The following ATF6 variants were observed in gnomAD, a reference collection of about 807,000 sequenced individuals.
ATF6 encodes activating transcription factor 6, also known as cyclic AMP-dependent transcription factor ATF-6 alpha.
ATF6 carries 53 observed loss-of-function variants against 83.6 expected under a neutral mutation model. That is an observed-to-expected ratio of 0.63 (90% confidence interval 0.51 to 0.80). ATF6 has a LOEUF of 0.80. ATF6 is among the 30% of genes least tolerant of loss of function. The probability of loss-of-function intolerance (pLI) is 0.00; values close to 1 mark genes in which losing one functional copy is unlikely to be tolerated. For synonymous variants in ATF6, 288 were observed against 285.8 expected (o/e 1.01, Z -0.08); for missense variants, 744 against 797.9 (o/e 0.93, Z 0.81).
intron 15 of ATF6, among the ~76,000 whole-genome samples, chr1:161,938,748 A>C (rs1337319899): frequency 6.6e-6 from 1 of 152,240 alleles, no homozygotes; most frequent in Non-Finnish European, 1.5e-5. Flanking sequence ...CCATTCCTTT[A>C]AGAAGGTGAG....
At chr1:161,854,584 A>T (rs1013158869) in intron 12 of ATF6, among the ~76,000 whole-genome samples, 1 of 152,198 alleles carries the variant, frequency 6.6e-6, no homozygotes, top group African/African-American at 2.4e-5. Context: ...GTAAAGATTT[A>T]GGGGAGGCTG....
intron 9 of ATF6, among the ~76,000 whole-genome samples, chr1:161,835,322 T>C (rs1400073438): frequency 6.6e-6 from 1 of 152,160 alleles, no homozygotes; most frequent in African/African-American, 2.4e-5. Flanking sequence ...TCCTTAAGTG[T>C]TGGGATTGCA....
At chr1:161,805,085 C>A (rs753904072) in intron 7 of ATF6, among the ~76,000 whole-genome samples, 2 of 152,042 alleles carry the variant, frequency 1.3e-5, no homozygotes, top group African/African-American at 4.8e-5. Flanking sequence ...AGTTCTTCAA[C>A]GTTAATTGAG....
At chr1:161,824,327 G>A (rs551399686) in intron 9 of ATF6, among the ~76,000 whole-genome samples, 8 of 149,438 alleles carry the variant, frequency 5.4e-5, no homozygotes, top group Non-Finnish European at 1.0e-4. Flanking sequence ...GTACCCCTGA[G>A]CTTCAAATAA....
chr1:161,907,022 A>G (rs536284113), intron 14 of ATF6, among the ~76,000 whole-genome samples: 2 of 152,264 alleles, frequency 1.3e-5, no homozygotes, highest in East Asian at 3.9e-4. Context: ...AGGATATGTC[A>G]TGATGTATGT....
chr1:161,831,347 G>C (rs1195588695), intron 9 of ATF6, among the ~76,000 whole-genome samples: 1 of 152,160 alleles, frequency 6.6e-6, no homozygotes, highest in Non-Finnish European at 1.5e-5. Flanking sequence ...ACTGTTGGTG[G>C]GACTGTAAAT....
chr1:161,850,226 G>T (rs997061304), intron 10 of ATF6, among the ~76,000 whole-genome samples: 1 of 152,002 alleles, frequency 6.6e-6, no homozygotes, highest in Admixed American at 6.6e-5. Context: ...TCCTTATTAT[G>T]ACCTGGTCTT....
chr1:161,812,984 T>C (rs1571153639), intron 7 of ATF6, among the ~76,000 whole-genome samples: 1 of 152,156 alleles, frequency 6.6e-6, no homozygotes, highest in East Asian at 1.9e-4. Context: ...TCCAGTGGTG[T>C]CATCATTACT....
At chr1:161,900,917 G>A (rs1017764928) in intron 14 of ATF6, among the ~76,000 whole-genome samples, 2 of 152,064 alleles carry the variant, frequency 1.3e-5, no homozygotes, top group African/African-American at 2.4e-5. Flanking sequence ...GATAGTACAT[G>A]TATATGAGAA....
At chr1:161,882,387 C>G (rs1323434474) in intron 14 of ATF6, among the ~76,000 whole-genome samples, 1 of 151,982 alleles carries the variant, frequency 6.6e-6, no homozygotes, top group East Asian at 1.9e-4. Context: ...GAAAAGTGAA[C>G]AAAGAACTAA....
In ATF6 at chr1:161,792,173, A is replaced by G. The variant is rs745465967; in HGVS notation, c.534A>G (p.Ser178=). The G allele has an allele frequency of 6.2e-7, 1 of 1,614,120 alleles. No individual in the cohort carries two copies. Among genetic ancestry groups the G allele is most frequent in the South Asian group, 1.1e-5 (1 of 91,084 alleles). ...KKKIQVNSKP[S]IQPKPLLLPA... The stretch of plus-strand genomic sequence containing the variant: ...AAATTCAGGTGAATTCAAAACCTTC[A>G]ATTCAGCCCAAGCCTTTATTGCTTC... Residue 178 remains serine, a synonymous_variant, in exon 6 of 16, where the codon TCA becomes TCG. Transcript: ENST00000367942.
At chr1:161,831,334 T>C (rs1333397476) in intron 9 of ATF6, among the ~76,000 whole-genome samples, 1 of 152,224 alleles carries the variant, frequency 6.6e-6, no homozygotes, top group Non-Finnish European at 1.5e-5. Context: ...GGAACACTTT[T>C]ACACTGTTGG....
intron 14 of ATF6, among the ~76,000 whole-genome samples, chr1:161,876,241 T>C (rs529851142): frequency 2.2e-4 from 33 of 152,114 alleles, no homozygotes; most frequent in African/African-American, 7.5e-4. Flanking sequence ...GATTCTTCCA[T>C]TTGTAAAACA....
chr1:161,867,441 A>G (rs1374607362), intron 14 of ATF6, among the ~76,000 whole-genome samples: 2 of 152,194 alleles, frequency 1.3e-5, no homozygotes, highest in South Asian at 2.1e-4. Flanking sequence ...TGATTTTAAA[A>G]GGGCAGAAAA....
intron 6 of ATF6, among the ~76,000 whole-genome samples, chr1:161,800,727 A>G (rs1285976494): frequency 6.6e-6 from 1 of 152,168 alleles, no homozygotes; most frequent in African/African-American, 2.4e-5. Context: ...TTATGTCTTC[A>G]GGTGAGAAGA....
chr1:161,850,583 C>T (rs1449820173), intron 10 of ATF6, among the ~76,000 whole-genome samples: 1 of 152,036 alleles, frequency 6.6e-6, no homozygotes. Context: ...GTCCATCTTC[C>T]CCATTAAGGT....
At chr1:161,929,052 A>G (rs1410615198) in intron 15 of ATF6, among the ~76,000 whole-genome samples, 2 of 152,222 alleles carry the variant, frequency 1.3e-5, no homozygotes, top group Non-Finnish European at 2.9e-5. Context: ...TAAGAACCTG[A>G]TGGGTGCTAG....
intron 7 of ATF6, among the ~76,000 whole-genome samples, chr1:161,817,914 G>A (rs940140930): frequency 1.4e-4 from 22 of 151,874 alleles, no homozygotes; most frequent in African/African-American, 5.3e-4. Flanking sequence ...TGGCTAACAC[G>A]GTGAAACCCT....
At chr1:161,932,339 C>T (rs1027639773) in intron 15 of ATF6, among the ~76,000 whole-genome samples, 2 of 152,052 alleles carry the variant, frequency 1.3e-5, no homozygotes, top group Admixed American at 6.5e-5. Flanking sequence ...ATATTGGAAC[C>T]GAATCATTCA....
Sources: allele counts gnomAD v4.1 joint callset (sites outside exome capture counted in the v4.1 genomes callset), GRCh38; gene constraint gnomAD v4.1.1; transcripts MANE v1.5; gene names NCBI Gene and HGNC (gene_info 2026-07-23, HGNC 2026-07-21).